Variants in SH3RF3 observed in about 807,000 individuals in gnomAD.
The protein encoded by SH3RF3 is E3 ubiquitin-protein ligase SH3RF3.
Under a neutral mutation model 66.3 loss-of-function variants are expected in SH3RF3, and 29 were observed. The observed-to-expected ratio is 0.44, with a 90% CI of 0.33 to 0.60. The LOEUF (loss-of-function observed/expected upper bound fraction) is 0.60, where lower values mean the gene tolerates loss of function less well. SH3RF3 is among the 20% of genes least tolerant of loss of function. SH3RF3 has a pLI of 0.04. For synonymous variants in SH3RF3, 583 were observed against 532.0 expected (o/e 1.10, Z -1.32); for missense variants, 1,194 against 1,190.9 (o/e 1.00, Z -0.04).
intron 1 of SH3RF3, among the ~76,000 whole-genome samples, chr2:109,132,162 G>A (rs1204771947): frequency 6.6e-6 from 1 of 152,164 alleles, no homozygotes; most frequent in Non-Finnish European, 1.5e-5. Flanking sequence ...TAACTAATAT[G>A]CCATGATAGC....
chr2:109,135,495 G>A (rs1187801371), intron 1 of SH3RF3, among the ~76,000 whole-genome samples: 1 of 152,236 alleles, frequency 6.6e-6, no homozygotes, highest in Non-Finnish European at 1.5e-5. Context: ...GCAGTGCCTG[G>A]CACACGTGAT....
At chr2:109,394,438 TG>T (rs1676086979) in intron 3 of SH3RF3, among the ~76,000 whole-genome samples, 1 of 152,066 alleles carries the variant, frequency 6.6e-6, no homozygotes, top group Non-Finnish European at 1.5e-5. Flanking sequence ...GACTAGGGGG[TG>T]GCCCCTGCAG....
intron 5 of SH3RF3, among the ~76,000 whole-genome samples, chr2:109,431,736 C>T (rs566775594): frequency 3.9e-5 from 6 of 152,222 alleles, no homozygotes; most frequent in South Asian, 2.1e-4. Flanking sequence ...GCCAGCATGG[C>T]GGTGCACACC....
intron 8 of SH3RF3, among the ~76,000 whole-genome samples, chr2:109,467,909 A>G (rs537981614): frequency 6.6e-6 from 1 of 152,210 alleles, no homozygotes; most frequent in Non-Finnish European, 1.5e-5. Flanking sequence ...AGCTGCACCA[A>G]CACCCCAGGG....
At chr2:109,492,057 C>T (rs1679143103) in intron 9 of SH3RF3, among the ~76,000 whole-genome samples, 2 of 152,184 alleles carry the variant, frequency 1.3e-5, no homozygotes, top group South Asian at 2.1e-4. Flanking sequence ...GCAGATGTTG[C>T]AGTCCTGCTG....
intron 8 of SH3RF3, among the ~76,000 whole-genome samples, chr2:109,455,432 A>G (rs1163541077): frequency 6.6e-6 from 1 of 152,232 alleles, no homozygotes; most frequent in Non-Finnish European, 1.5e-5. Context: ...ATGACCCATA[A>G]TGACAGCAGC....
chr2:109,228,170 G>C (rs17035207), intron 1 of SH3RF3, among the ~76,000 whole-genome samples: 1 of 151,998 alleles, frequency 6.6e-6, no homozygotes, highest in Non-Finnish European at 1.5e-5. Context: ...TGGCAAACAT[G>C]GTGCTACTTG....
At chr2:109,207,667 A>T (rs150835642) in intron 1 of SH3RF3, among the ~76,000 whole-genome samples, 2 of 152,172 alleles carry the variant, frequency 1.3e-5, no homozygotes, top group African/African-American at 4.8e-5. Context: ...GGTGCCACCT[A>T]TAGAATTTGG....
At chr2:109,346,716 C>G (rs994467740) in intron 1 of SH3RF3, among the ~76,000 whole-genome samples, 5 of 152,070 alleles carry the variant, frequency 3.3e-5, no homozygotes, top group African/African-American at 1.2e-4. Context: ...TTATTGCTGA[C>G]AAGCAGAAGC....
At chr2:109,288,380 A>T (rs573819941) in intron 1 of SH3RF3, among the ~76,000 whole-genome samples, 199 of 152,314 alleles carry the variant, frequency 1.3e-3, no homozygotes, top group African/African-American at 4.4e-3. Flanking sequence ...AGGTATTCTC[A>T]TCTAAAGACC....
At chr2:109,170,329 CCTCT>C (rs747106986) in intron 1 of SH3RF3, among the ~76,000 whole-genome samples, 1,799 of 144,318 alleles carry the variant, frequency 0.012, 50 homozygotes, top group African/African-American at 0.044. Flanking sequence ...CTCTCTCTCT[CCTCT>C]CTCTCTCTCT....
intron 8 of SH3RF3, among the ~76,000 whole-genome samples, chr2:109,474,181 C>G (rs1317172529): frequency 6.6e-6 from 1 of 152,170 alleles, no homozygotes; most frequent in African/African-American, 2.4e-5. Flanking sequence ...GAGCACACAC[C>G]TGTGTGTGGG....
intron 3 of SH3RF3, among the ~76,000 whole-genome samples, chr2:109,375,336 G>A (rs950915140): frequency 5.9e-5 from 9 of 152,258 alleles, no homozygotes; most frequent in African/African-American, 2.2e-4. Context: ...CCGTCCCCAC[G>A]CCAGGACCCA....
chr2:109,387,860 G>A (rs1045757350), intron 3 of SH3RF3, among the ~76,000 whole-genome samples: 1 of 87,646 alleles, frequency 1.1e-5, no homozygotes, highest in Non-Finnish European at 2.0e-5. Context: ...CAGATGGTTG[G>A]GGGGGGGGTC....
At chr2:109,339,087 A>T (rs1167219214) in intron 1 of SH3RF3, among the ~76,000 whole-genome samples, 1 of 152,204 alleles carries the variant, frequency 6.6e-6, no homozygotes, top group Admixed American at 6.5e-5. Context: ...CTACATCTTC[A>T]TCATCTTCAC....
At chr2:109,166,877 A>G (rs181463540) in intron 1 of SH3RF3, among the ~76,000 whole-genome samples, 1 of 152,246 alleles carries the variant, frequency 6.6e-6, no homozygotes, top group Non-Finnish European at 1.5e-5. Flanking sequence ...GCTATACATT[A>G]TACTTAGGGC....
chr2:109,492,763 T>C (rs1346617785), intron 9 of SH3RF3, among the ~76,000 whole-genome samples: 4 of 152,028 alleles, frequency 2.6e-5, no homozygotes, highest in African/African-American at 9.7e-5. Flanking sequence ...CTCTGTAGGG[T>C]GCGCAGTCAG....
intron 3 of SH3RF3, among the ~76,000 whole-genome samples, chr2:109,392,278 G>GGAT (rs1676019507): frequency 6.6e-6 from 1 of 152,202 alleles, no homozygotes; most frequent in African/African-American, 2.4e-5. Flanking sequence ...AGTGACGAGG[G>GGAT]GATGGCAGCA....
chr2:109,171,387 CTA>C (rs1677780310), intron 1 of SH3RF3, among the ~76,000 whole-genome samples: 1 of 152,182 alleles, frequency 6.6e-6, no homozygotes, highest in East Asian at 1.9e-4. Context: ...TTGTTAGTGA[CTA>C]TGAATATTCG....
Sources: allele counts gnomAD v4.1 joint callset (sites outside exome capture counted in the v4.1 genomes callset), GRCh38; gene constraint gnomAD v4.1.1; transcripts MANE v1.5; gene names NCBI Gene and HGNC (gene_info 2026-07-23, HGNC 2026-07-21).